TAS2R1: variants seen among roughly 807,000 people sequenced by gnomAD.
The protein encoded by TAS2R1 is taste receptor type 2 member 1.
For synonymous variants in TAS2R1, 141 were observed against 134.2 expected, an observed-to-expected ratio of 1.05 and a Z score of -0.35; for missense variants, 370 against 353.4, an observed-to-expected ratio of 1.05 and a Z score of -0.38.
At chr5:9,698,289 G>C (rs988253457) in intron 1 of TAS2R1, among the ~76,000 whole-genome samples, 21 of 152,066 alleles carry the variant, frequency 1.4e-4, no homozygotes, top group African/African-American at 4.1e-4. Flanking sequence ...TCAAAAATAT[G>C]ACTCAAAAAC....
the TAS2R1 span, among the ~76,000 whole-genome samples, chr5:9,893,533 C>T: frequency 3.9e-5 from 6 of 152,070 alleles, no homozygotes; most frequent in Non-Finnish European, 5.9e-5. Flanking sequence ...GCTGGTCAAA[C>T]GGTCCACTTC....
intron 2 of TAS2R1, among the ~76,000 whole-genome samples, chr5:9,638,603 G>C (rs1740012481): frequency 6.6e-6 from 1 of 152,210 alleles, no homozygotes; most frequent in African/African-American, 2.4e-5. Context: ...TGCAGTAGTA[G>C]CAGGGGGCTG....
the TAS2R1 span, among the ~76,000 whole-genome samples, chr5:9,757,286 C>T: frequency 6.6e-6 from 1 of 152,170 alleles, no homozygotes; most frequent in Non-Finnish European, 1.5e-5. Context: ...GATAAAACTA[C>T]TCTCCTTTTT....
At chr5:9,691,467 A>T (rs1193291940) in intron 1 of TAS2R1, among the ~76,000 whole-genome samples, 1 of 152,284 alleles carries the variant, frequency 6.6e-6, no homozygotes, top group East Asian at 1.9e-4. Flanking sequence ...ACGCAGACAC[A>T]GGCATTCAGG....
the TAS2R1 span, among the ~76,000 whole-genome samples, chr5:9,900,639 T>A: frequency 6.2e-3 from 842 of 136,380 alleles, 11 homozygotes; most frequent in African/African-American, 0.021. Flanking sequence ...TTTTTTTTTT[T>A]AGACGGAGTC....
chr5:9,678,717 C>T (rs574738541), intron 1 of TAS2R1, among the ~76,000 whole-genome samples: 69 of 152,000 alleles, frequency 4.5e-4, no homozygotes, highest in Non-Finnish European at 8.4e-4. Context: ...CACTTACAAA[C>T]GGGAGCTGAC....
intron 1 of TAS2R1, among the ~76,000 whole-genome samples, chr5:9,674,990 G>A (rs1026309422): frequency 1.3e-4 from 19 of 151,686 alleles, no homozygotes; most frequent in Non-Finnish European, 1.9e-4. Context: ...CTAATAAGTC[G>A]TTATAGCAAG....
intron 1 of TAS2R1, among the ~76,000 whole-genome samples, chr5:9,682,433 A>T (rs1274947888): frequency 3.9e-5 from 6 of 152,294 alleles, no homozygotes; most frequent in Admixed American, 2.6e-4. Context: ...CTGCAGGCAG[A>T]ATCCAAAGAA....
chr5:9,691,698 T>C (rs1205909755), intron 1 of TAS2R1, among the ~76,000 whole-genome samples: 1 of 152,224 alleles, frequency 6.6e-6, no homozygotes, highest in East Asian at 1.9e-4. Context: ...GGGGCCTGTG[T>C]TCCAGTTAAG....
At chr5:9,824,735 T>TCAGGAG in the TAS2R1 span, among the ~76,000 whole-genome samples, 1 of 151,154 alleles carries the variant, frequency 6.6e-6, no homozygotes, top group Non-Finnish European at 1.5e-5. Context: ...TAATCCCAGC[T>TCAGGAG]ACTCAGGAGT....
chr5:9,772,733 C>T, the TAS2R1 span, among the ~76,000 whole-genome samples: 1 of 152,052 alleles, frequency 6.6e-6, no homozygotes, highest in Non-Finnish European at 1.5e-5. Flanking sequence ...GGATTGACCC[C>T]TTTATTGTTA....
At chr5:9,737,965 G>A in the TAS2R1 span, among the ~76,000 whole-genome samples, 3 of 152,174 alleles carry the variant, frequency 2.0e-5, no homozygotes, top group Non-Finnish European at 4.4e-5. Context: ...GAGGGAGGGT[G>A]CATTTTGAGG....
At chr5:9,742,442 G>T in the TAS2R1 span, among the ~76,000 whole-genome samples, 1 of 152,144 alleles carries the variant, frequency 6.6e-6, no homozygotes, top group African/African-American at 2.4e-5. Flanking sequence ...TAATCTCAAT[G>T]TCCCTAACAT....
chr5:9,834,885 C>A, the TAS2R1 span, among the ~76,000 whole-genome samples: 1 of 152,152 alleles, frequency 6.6e-6, no homozygotes, highest in Admixed American at 6.5e-5. Flanking sequence ...ATGCAGTAAA[C>A]TTGTCTCTCC....
At chr5:9,828,804 T>C in the TAS2R1 span, among the ~76,000 whole-genome samples, 1 of 152,244 alleles carries the variant, frequency 6.6e-6, no homozygotes, top group East Asian at 1.9e-4. Flanking sequence ...TTTTGCTTTT[T>C]ATCATATATT....
At chr5:9,757,829 TCATAATCTTTAAAACTCTGTAGG>T in the TAS2R1 span, among the ~76,000 whole-genome samples, 1 of 152,176 alleles carries the variant, frequency 6.6e-6, no homozygotes, top group Non-Finnish European at 1.5e-5. Context: ...ATTACTTTTC[TCATAATCTTTAAAACTCTGTAGG>T]AGTATTATTA....
At chr5:9,676,947 C>T (rs1034134936) in intron 1 of TAS2R1, among the ~76,000 whole-genome samples, 1 of 152,158 alleles carries the variant, frequency 6.6e-6, no homozygotes, top group African/African-American at 2.4e-5. Flanking sequence ...CATAAAGACA[C>T]ATGCACATGT....
chr5:9,630,886 C>T (rs1322312126), upstream of TAS2R1, among the ~76,000 whole-genome samples: 2 of 152,162 alleles, frequency 1.3e-5, no homozygotes, highest in Non-Finnish European at 2.9e-5. Flanking sequence ...CTGTAATGCA[C>T]TATGAAAAAT....
At chr5:9,832,486 G>T in the TAS2R1 span, among the ~76,000 whole-genome samples, 3 of 152,214 alleles carry the variant, frequency 2.0e-5, no homozygotes, top group East Asian at 5.8e-4. Flanking sequence ...TCTGCTCCCA[G>T]CCAGGGTTCT....
Sources: allele counts gnomAD v4.1 joint callset (sites outside exome capture counted in the v4.1 genomes callset), GRCh38; gene constraint gnomAD v4.1.1; transcripts MANE v1.5; gene names NCBI Gene and HGNC (gene_info 2026-07-23, HGNC 2026-07-21).